Variants in TNFAIP8 observed in about 807,000 individuals in gnomAD.
TNFAIP8 encodes TNF alpha induced protein 8, also known as tumor necrosis factor alpha-induced protein 8.
In TNFAIP8, 7 loss-of-function variants were observed where a neutral mutation model predicts 13.3. The observed-to-expected ratio is 0.52, with a 90% CI of 0.30 to 0.99. TNFAIP8 has a LOEUF of 0.99. TNFAIP8 is among the 50% of genes least tolerant of loss of function. The pLI is 0.07. For missense variants in TNFAIP8, 258 were observed against 236.9 expected (o/e 1.09, Z -0.58); for synonymous variants, 94 against 87.6 (o/e 1.07, Z -0.41).
upstream of TNFAIP8, chr5:119,354,590 A>G (rs761255361): frequency 6.6e-6 from 1 of 152,238 alleles, no homozygotes; most frequent in Non-Finnish European, 1.5e-5. Flanking sequence ...GTAATAATCT[A>G]TGTAGTCCTT....
At chr5:119,355,830 C>T, upstream of TNFAIP8, 1 of 1,015,158 alleles carries the variant, frequency 9.9e-7, no homozygotes, top group Non-Finnish European at 1.2e-6. Context: ...AGGTCGCCTC[C>T]GCCCGGCTGC....
intron 1 of TNFAIP8, among the ~76,000 whole-genome samples, chr5:119,387,539 T>C (rs1752727942): frequency 1.3e-5 from 2 of 152,210 alleles, no homozygotes; most frequent in South Asian, 4.1e-4. Context: ...TATTAGAAAA[T>C]TCTCAGTGGG....
intron 1 of TNFAIP8, among the ~76,000 whole-genome samples, chr5:119,281,070 T>C (rs1289316830): frequency 6.6e-6 from 1 of 152,200 alleles, no homozygotes; most frequent in Non-Finnish European, 1.5e-5. Context: ...AGTATTCTTG[T>C]TAGTTTCCTG....
intron 1 of TNFAIP8, among the ~76,000 whole-genome samples, chr5:119,329,038 T>C (rs557831814): frequency 3.2e-4 from 48 of 152,320 alleles, no homozygotes; most frequent in African/African-American, 1.0e-3. Flanking sequence ...GCATGAATCA[T>C]AGGAAGACAG....
intron 1 of TNFAIP8, among the ~76,000 whole-genome samples, chr5:119,296,499 T>A (rs974159588): frequency 6.6e-6 from 1 of 152,202 alleles, no homozygotes; most frequent in African/African-American, 2.4e-5. Flanking sequence ...GTGGATAAGC[T>A]TTTTGATGTG....
intron 1 of TNFAIP8, among the ~76,000 whole-genome samples, chr5:119,372,607 C>T (rs1473428987): frequency 2.0e-5 from 3 of 152,120 alleles, no homozygotes; most frequent in Admixed American, 6.5e-5. Flanking sequence ...AAAAGTAGCC[C>T]ACATACCATA....
intron 1 of TNFAIP8, among the ~76,000 whole-genome samples, chr5:119,378,174 A>G (rs1752351623): frequency 6.6e-6 from 1 of 152,238 alleles, no homozygotes; most frequent in Non-Finnish European, 1.5e-5. Context: ...CCAGGTTACA[A>G]CTTCTGCAAG....
At chr5:119,296,717 G>C (rs1354155108) in intron 1 of TNFAIP8, among the ~76,000 whole-genome samples, 1 of 151,952 alleles carries the variant, frequency 6.6e-6, no homozygotes, top group Non-Finnish European at 1.5e-5. Flanking sequence ...GTTCCTCCTT[G>C]TACCTCTGGT....
At chr5:119,270,172 A>G (rs1180109760) in intron 1 of TNFAIP8, among the ~76,000 whole-genome samples, 2 of 152,276 alleles carry the variant, frequency 1.3e-5, no homozygotes, top group African/African-American at 4.8e-5. Flanking sequence ...GCATTGGCAC[A>G]TGAAAGGTAA....
intron 1 of TNFAIP8, among the ~76,000 whole-genome samples, chr5:119,327,820 A>G (rs1420817214): frequency 6.6e-5 from 10 of 152,194 alleles, no homozygotes; most frequent in African/African-American, 2.2e-4. Context: ...CACTTTACAA[A>G]TGAAGTGACT....
chr5:119,376,121 GT>G (rs913108422), intron 1 of TNFAIP8, among the ~76,000 whole-genome samples: 21 of 145,154 alleles, frequency 1.4e-4, no homozygotes, highest in Non-Finnish European at 1.5e-4. Context: ...TTTCTTTTTT[GT>G]TTTTTTTTTT....
intron 1 of TNFAIP8, among the ~76,000 whole-genome samples, chr5:119,334,353 A>T (rs1223088934): frequency 1.3e-5 from 2 of 152,148 alleles, no homozygotes; most frequent in African/African-American, 2.4e-5. Context: ...TCAAGTTGAT[A>T]TATAATATTT....
intron 1 of TNFAIP8, among the ~76,000 whole-genome samples, chr5:119,322,406 A>G (rs1023927540): frequency 6.6e-6 from 1 of 152,162 alleles, no homozygotes; most frequent in Non-Finnish European, 1.5e-5. Flanking sequence ...GGCTATGGCC[A>G]GGATCTCCTG....
intron 1 of TNFAIP8, among the ~76,000 whole-genome samples, chr5:119,287,860 C>G (rs989437785): frequency 3.3e-5 from 5 of 152,144 alleles, no homozygotes; most frequent in African/African-American, 9.7e-5. Context: ...TTTCCCCATG[C>G]AGGGATTAAA....
At chr5:119,373,992 A>G (rs973878559) in intron 1 of TNFAIP8, among the ~76,000 whole-genome samples, 1 of 152,224 alleles carries the variant, frequency 6.6e-6, no homozygotes, top group African/African-American at 2.4e-5. Context: ...ATTATTTCTT[A>G]TGGTTTTAAA....
intron 1 of TNFAIP8, among the ~76,000 whole-genome samples, chr5:119,295,181 CGTTT>C (rs763237749): frequency 0.21 from 9,078 of 43,708 alleles, 817 homozygotes; most frequent in African/African-American, 0.48. Context: ...TTAGGTCTAA[CGTTT>C]AGTCTAACGT....
chr5:119,381,205 C>G (rs1215795270), intron 1 of TNFAIP8, among the ~76,000 whole-genome samples: 1 of 152,218 alleles, frequency 6.6e-6, no homozygotes, highest in Non-Finnish European at 1.5e-5. Flanking sequence ...CCTCAGATAC[C>G]TGCTATATCT....
At chr5:119,278,799 T>A (rs1224442956) in intron 1 of TNFAIP8, among the ~76,000 whole-genome samples, 1 of 152,160 alleles carries the variant, frequency 6.6e-6, no homozygotes, top group Non-Finnish European at 1.5e-5. Context: ...AATAATAATA[T>A]GGAAGGTGTT....
chr5:119,372,015 C>T lies in TNFAIP8; in HGVS notation c.31+15894C>T, dbSNP rs1340661352. ...AGCCGGGCGTGGTGGCGGGCACCTA[C>T]AGTCCCAGCTACTCAAGAGGCTGAG... On this transcript the variant is annotated intron_variant, in intron 1 of 1. Transcript: ENST00000504771. 4.6e-5 allele frequency among the ~76,000 whole-genome samples: 7 copies of T among 151,960 alleles called. No homozygotes were observed. In the East Asian group the frequency reaches 7.7e-4, roughly 17 times the overall value.
Sources: allele counts gnomAD v4.1 joint callset (sites outside exome capture counted in the v4.1 genomes callset), GRCh38; gene constraint gnomAD v4.1.1; transcripts MANE v1.5; gene names NCBI Gene and HGNC (gene_info 2026-07-23, HGNC 2026-07-21).